SLX9: variants seen among roughly 807,000 people sequenced by gnomAD.
SLX9 encodes SLX9 ribosome biogenesis factor, also known as ribosome biogenesis protein SLX9 homolog.
A neutral mutation model predicts 20.8 loss-of-function variants in SLX9; 19 were observed. The observed-to-expected ratio is 0.91, with a 90% CI of 0.64 to 1.34. The LOEUF (loss-of-function observed/expected upper bound fraction) is 1.34, where lower values mean the gene tolerates loss of function less well. Among genes scored for constraint, SLX9 ranks in the 40% most tolerant of loss-of-function variants. The probability of loss-of-function intolerance (pLI) is 0.00; values close to 1 mark genes in which losing one functional copy is unlikely to be tolerated. For synonymous variants in SLX9, 113 were observed against 137.1 expected (o/e 0.82, Z 1.23); for missense variants, 299 against 322.2 (o/e 0.93, Z 0.55).
intron 3 of SLX9, among the ~76,000 whole-genome samples, chr21:44,965,189 T>A (rs1187748346): frequency 1.3e-5 from 2 of 152,250 alleles, no homozygotes; most frequent in Non-Finnish European, 2.9e-5. Flanking sequence ...AAATTTTAGC[T>A]GAGGCAGCAT....
At position 44,969,229 on chromosome 21, in the gene SLX9, C is replaced by T. The variant is rs9979643; in HGVS notation, c.500+2048C>T. ...CAGGCAGCTCCAGGCTGGCATCCCG[C>T]GGCGGAGGCACCAGAGCACTGGGTC... On this transcript the variant is annotated intron_variant, in intron 4 of 5. Coordinates refer to ENST00000291634, the MANE Select transcript of SLX9 (RefSeq NM_058190.4). 5.4e-3 allele frequency: 2,531 copies of T among 469,436 alleles called. 47 individuals carry two copies. Among genetic ancestry groups the T allele is most frequent in the African/African-American group, 0.041 (2,078 of 50,144 alleles). 29.1% of individuals were successfully genotyped at this position (469,436 alleles called of 1,614,324 possible).
At chr21:44,946,638 A>C (rs1014087371) in intron 2 of SLX9, among the ~76,000 whole-genome samples, 4 of 152,200 alleles carry the variant, frequency 2.6e-5, no homozygotes, top group African/African-American at 7.2e-5. Flanking sequence ...GGTGTGTTCC[A>C]GGAGGCTGTC....
intron 3 of SLX9, among the ~76,000 whole-genome samples, chr21:44,966,829 A>C (rs2085044659): frequency 6.6e-6 from 1 of 152,254 alleles, no homozygotes; most frequent in South Asian, 2.1e-4. Flanking sequence ...CTGCGATTAA[A>C]AAGCGCAGCT....
chr21:44,959,400 G>C (rs141803425), intron 2 of SLX9: 1 of 294,682 alleles, frequency 3.4e-6, no homozygotes, highest in Non-Finnish European at 5.0e-6. Flanking sequence ...AGTCAGAGAC[G>C]CAGCACCCAG....
chr21:44,976,826 A>G lies in SLX9; in HGVS notation c.*23A>G. ...TGACCAGGGCAGCGGGCATGCCACAACTCCTCAGGACACATGTGGGCCAAG... is the reference window on the plus strand; with the variant it reads ...TGACCAGGGCAGCGGGCATGCCACAGCTCCTCAGGACACATGTGGGCCAAG... On this transcript the variant is annotated 3_prime_UTR_variant, in exon 6 of 6. Transcript: ENST00000291634. 3.9e-6 allele frequency: 6 copies of G among 1,540,408 alleles called. No individual in the cohort carries two copies. The highest frequency in any genetic ancestry group is 5.2e-6 in the Non-Finnish European group (6 of 1,148,350).
At chr21:44,966,939 G>A (rs866883521) in intron 3 of SLX9, 95 bp from the exon 4 acceptor site, 103 of 1,489,656 alleles carry the variant, frequency 6.9e-5, no homozygotes, top group Middle Eastern at 4.7e-4. Context: ...CAGCAGGGCC[G>A]GGCACCCTGC....
chr21:44,969,683 A>T (rs1032475394), intron 4 of SLX9, among the ~76,000 whole-genome samples: 1 of 152,254 alleles, frequency 6.6e-6, no homozygotes, highest in Admixed American at 6.5e-5. Context: ...TTGCTCTGAC[A>T]TGAGTGTGGT....
At chr21:44,969,485 T>C (rs1028063651) in intron 4 of SLX9, among the ~76,000 whole-genome samples, 3 of 152,194 alleles carry the variant, frequency 2.0e-5, no homozygotes, top group South Asian at 4.1e-4. Flanking sequence ...GCACATCTGC[T>C]CTCAGCCCTG....
intron 5 of SLX9, 24 bp downstream of exon 5, chr21:44,973,289 C>T (rs773327231): frequency 6.2e-7 from 1 of 1,610,282 alleles, no homozygotes; most frequent in Middle Eastern, 2.2e-4. Context: ...CCCACCTCCT[C>T]AGGGGTTCAG....
intron 4 of SLX9, among the ~76,000 whole-genome samples, chr21:44,967,853 C>T (rs537026650): frequency 1.3e-5 from 2 of 152,302 alleles, no homozygotes; most frequent in East Asian, 1.9e-4. Flanking sequence ...GATGTGAGTG[C>T]GGTTGCTCTC....
chr21:44,940,356 G>T (rs1355793035), intron 1 of SLX9, among the ~76,000 whole-genome samples, 170 bp downstream of exon 1: 1 of 152,222 alleles, frequency 6.6e-6, no homozygotes, highest in Non-Finnish European at 1.5e-5. Context: ...CGTAAACTCC[G>T]AGGCTCCGCT....
At chr21:44,959,402 A>G in intron 2 of SLX9, 1 of 282,512 alleles carries the variant, frequency 3.5e-6, no homozygotes, top group Non-Finnish European at 5.3e-6. Context: ...TCAGAGACGC[A>G]GCACCCAGTG....
chr21:44,954,105 T>C (rs1033609522), intron 2 of SLX9, among the ~76,000 whole-genome samples: 2 of 152,278 alleles, frequency 1.3e-5, no homozygotes, highest in Admixed American at 1.3e-4. Flanking sequence ...CTTGGGGTTC[T>C]GGAGGGTCCT....
chr21:44,964,279 TA>T (rs1445383439), intron 3 of SLX9, among the ~76,000 whole-genome samples: 1 of 152,256 alleles, frequency 6.6e-6, no homozygotes, highest in Non-Finnish European at 1.5e-5. Flanking sequence ...AGTCATTTTG[TA>T]GATTCCTTAG....
intron 2 of SLX9, among the ~76,000 whole-genome samples, chr21:44,952,646 G>A (rs1440767780): frequency 6.6e-6 from 1 of 152,214 alleles, no homozygotes; most frequent in African/African-American, 2.4e-5. Flanking sequence ...TGGCTGGGTG[G>A]ACAGTTGGGG....
chr21:44,956,041 C>T (rs568108644), intron 2 of SLX9, among the ~76,000 whole-genome samples: 1 of 152,206 alleles, frequency 6.6e-6, no homozygotes, highest in Non-Finnish European at 1.5e-5. Context: ...TTGTAAAATG[C>T]GCGGCTTTTC....
intron 4 of SLX9, 22 bp from the exon 5 acceptor site, chr21:44,973,175 C>T (rs3827260): frequency 0.63 from 1,019,964 of 1,612,492 alleles, 328,200 homozygotes; most frequent in South Asian, 0.78. Context: ...TGCTGACTCA[C>T]GTGGCTTCTC....
Position 44,973,149 on chromosome 21 carries a change from T to A in SLX9, c.501-48T>A, listed in dbSNP as rs538832248. 4.4e-6 allele frequency: 7 copies of A among 1,607,756 alleles called. No homozygotes were observed. In the Admixed American group the frequency reaches 1.2e-4, roughly 27 times the overall value. On this transcript the variant is annotated intron_variant, in intron 4 of 5. Transcript: ENST00000291634. ...GCCAGCCTCTGCCCACGGGAAGGTG[T>A]TTAGGGGATGCTGGATGCTGACTCA...
intron 5 of SLX9, among the ~76,000 whole-genome samples, chr21:44,974,105 C>G (rs2085215669): frequency 1.3e-5 from 2 of 152,342 alleles, no homozygotes; most frequent in South Asian, 4.1e-4. Context: ...CGCTCTCTTG[C>G]CTCTTTGCAG....
Sources: allele counts gnomAD v4.1 joint callset (sites outside exome capture counted in the v4.1 genomes callset), GRCh38; gene constraint gnomAD v4.1.1; transcripts MANE v1.5; gene names NCBI Gene and HGNC (gene_info 2026-07-23, HGNC 2026-07-21).